Variants in ARMC9 observed in about 807,000 individuals in gnomAD.
The protein encoded by ARMC9 is armadillo repeat containing 9.
ARMC9 carries 94 observed loss-of-function variants against 107.0 expected under a neutral mutation model. That is an observed-to-expected ratio of 0.88 (90% confidence interval 0.74 to 1.04). The LOEUF is 1.04. Among genes scored for constraint, ARMC9 ranks in the 50% least tolerant of loss-of-function variants. ARMC9 has a pLI of 0.00. For missense variants in ARMC9, 942 were observed against 1,030.1 expected (o/e 0.91, Z 1.17); for synonymous variants, 380 against 396.9 (o/e 0.96, Z 0.51).
intron 5 of ARMC9, among the ~76,000 whole-genome samples, chr2:231,221,201 G>A (rs1394847244): frequency 6.6e-6 from 1 of 152,188 alleles, no homozygotes; most frequent in East Asian, 1.9e-4. Flanking sequence ...AGCCACGGGT[G>A]TTCTGTGACT....
chr2:231,277,026 C>T (rs953566146), intron 15 of ARMC9, among the ~76,000 whole-genome samples: 1 of 152,110 alleles, frequency 6.6e-6, no homozygotes, highest in Non-Finnish European at 1.5e-5. Context: ...GTTCATTTAC[C>T]TTTTTCTTTA....
At chr2:231,206,928 A>G (rs1351855332) in intron 2 of ARMC9, among the ~76,000 whole-genome samples, 1 of 152,250 alleles carries the variant, frequency 6.6e-6, no homozygotes, top group Non-Finnish European at 1.5e-5. Flanking sequence ...TGGAGCAGGG[A>G]TGAGGCACCC....
chr2:231,229,679 A>G (rs2035022145), intron 7 of ARMC9, among the ~76,000 whole-genome samples: 1 of 152,248 alleles, frequency 6.6e-6, no homozygotes, highest in African/African-American at 2.4e-5. Flanking sequence ...GTTACATTAT[A>G]ACTTTCTTCA....
intron 19 of ARMC9, among the ~76,000 whole-genome samples, chr2:231,317,176 C>CTT (rs957991111): frequency 6.9e-6 from 1 of 145,958 alleles, no homozygotes. Flanking sequence ...GTTCATGGAA[C>CTT]TTTTTTTTTT....
At chr2:231,202,026 GTC>G (rs1322267629) in intron 1 of ARMC9, among the ~76,000 whole-genome samples, 1 of 139,576 alleles carries the variant, frequency 7.2e-6, no homozygotes, top group Non-Finnish European at 1.5e-5. Context: ...TTTTGACAGA[GTC>G]TCACTCTGTT....
chr2:231,375,489 T>TTA lies in ARMC9; in HGVS notation c.*3955_*3956insAT, dbSNP rs1247975352. On this transcript the variant is annotated 3_prime_UTR_variant, in exon 25 of 25. Coordinates refer to ENST00000611582, the MANE Select transcript of ARMC9 (RefSeq NM_001352754.2). The surrounding 1 kb of genome is among the most constrained non-coding windows in gnomAD (Gnocchi z 4.3). ...TTCAGAGCTTTGCAGGACCAAATCT[T>TTA]TTAGGGCTGTTTTTCCATTGTGGTA... Among the ~76,000 whole-genome samples the TTA allele has an allele frequency of 6.6e-6, 1 of 152,188 alleles. No homozygotes were observed. Among genetic ancestry groups the TTA allele is most frequent in the Non-Finnish European group, 1.5e-5 (1 of 68,034 alleles).
At chr2:231,243,662 C>T (rs201247474) in intron 9 of ARMC9, among the ~76,000 whole-genome samples, 4 of 152,232 alleles carry the variant, frequency 2.6e-5, no homozygotes, top group East Asian at 1.9e-4. Context: ...CTTAGGAACA[C>T]GCAATAAAAG....
chr2:231,318,865 G>A (rs1466173091), intron 19 of ARMC9, among the ~76,000 whole-genome samples: 3 of 152,154 alleles, frequency 2.0e-5, no homozygotes, highest in Admixed American at 6.5e-5. Context: ...GGGATATAGC[G>A]GTAAAAGCAA....
intron 14 of ARMC9, among the ~76,000 whole-genome samples, chr2:231,274,222 A>G (rs1211150499): frequency 1.3e-5 from 2 of 152,104 alleles, no homozygotes; most frequent in Admixed American, 1.3e-4. Flanking sequence ...GGTTCAACCA[A>G]TTCTCCTGCC....
chr2:231,238,551 CTA>C (rs2035987150), intron 8 of ARMC9, among the ~76,000 whole-genome samples: 1 of 152,264 alleles, frequency 6.6e-6, no homozygotes, highest in South Asian at 2.1e-4. Flanking sequence ...TGGTATTTCA[CTA>C]TGTTACCCAG....
chr2:231,322,914 A>G (rs2125537953), intron 19 of ARMC9, among the ~76,000 whole-genome samples: 1 of 152,280 alleles, frequency 6.6e-6, no homozygotes, highest in South Asian at 2.1e-4. Flanking sequence ...ATTTTAAAAT[A>G]TGTCGTTTCG....
At chr2:231,270,847 T>G in intron 12 of ARMC9, 135 bp from the exon 13 acceptor site, 1 of 773,138 alleles carries the variant, frequency 1.3e-6, no homozygotes, top group African/African-American at 1.7e-5. Flanking sequence ...CCAGATGAAA[T>G]GTTTGGCTTT....
chr2:231,305,897 T>G, intron 19 of ARMC9, among the ~76,000 whole-genome samples: 1 of 152,206 alleles, frequency 6.6e-6, no homozygotes, highest in South Asian at 2.1e-4. Flanking sequence ...AATAAACTCA[T>G]CACTCATCAA....
At chr2:231,307,667 A>G (rs1403362580) in intron 19 of ARMC9, among the ~76,000 whole-genome samples, 3 of 152,198 alleles carry the variant, frequency 2.0e-5, no homozygotes, top group African/African-American at 4.8e-5. Flanking sequence ...GGGACCTTAC[A>G]TGGCCCCAAA....
At position 231,328,814 on chromosome 2, in the gene ARMC9, C is replaced by CTTTTTT. The variant is rs1341987081; in HGVS notation, c.1774-2975_1774-2974insTTTTTT. ...AGCGTGTTCAATTTTCTTTTCTTTT[C>CTTTTTT]TTTTCTTTTTTTTTTTTTGAGTCGG... On this transcript the variant is annotated intron_variant, in intron 19 of 24. Coordinates refer to ENST00000611582, the MANE Select transcript of ARMC9 (RefSeq NM_001352754.2). 5.1e-3 allele frequency among the ~76,000 whole-genome samples: 644 copies of CTTTTTT among 127,066 alleles called. 69 individuals are homozygous for CTTTTTT. Among genetic ancestry groups the CTTTTTT allele is most frequent in the South Asian group, 0.014 (53 of 3,876 alleles). The allele number at this position is 127,066 out of a possible 152,430, so 83.4% of individuals were successfully genotyped here.
intron 6 of ARMC9, 148 bp downstream of exon 6, chr2:231,222,968 T>C (rs748635222): frequency 9.2e-6 from 5 of 544,152 alleles, no homozygotes; most frequent in Non-Finnish European, 1.6e-5. Context: ...CAATGAATCA[T>C]TAATGGCAGG....
intron 23 of ARMC9, among the ~76,000 whole-genome samples, chr2:231,367,655 T>C (rs1282318173): frequency 6.6e-6 from 1 of 152,194 alleles, no homozygotes; most frequent in African/African-American, 2.4e-5. Context: ...ATGATAAAGA[T>C]GGTAAATATT....
At chr2:231,222,372 G>A (rs1030608835) in intron 5 of ARMC9, among the ~76,000 whole-genome samples, 1 of 152,000 alleles carries the variant, frequency 6.6e-6, no homozygotes, top group East Asian at 1.9e-4. Context: ...TTTATGTTAC[G>A]CCTCCCAGTG....
At chr2:231,339,255 G>C (rs1010275098) in intron 20 of ARMC9, among the ~76,000 whole-genome samples, 4 of 149,890 alleles carry the variant, frequency 2.7e-5, no homozygotes, top group African/African-American at 9.8e-5. Flanking sequence ...TTGAACCTGG[G>C]AGGCAGAGGT....
Sources: allele counts gnomAD v4.1 joint callset (sites outside exome capture counted in the v4.1 genomes callset), GRCh38; gene constraint gnomAD v4.1.1; non-coding constraint Gnocchi (gnomAD v3.1); transcripts MANE v1.5; gene names NCBI Gene and HGNC (gene_info 2026-07-23, HGNC 2026-07-21).